THADA: variants seen among roughly 807,000 people sequenced by gnomAD.
THADA encodes THADA armadillo repeat containing, also known as tRNA (32-2'-O)-methyltransferase regulator THADA.
Under a neutral mutation model 219.8 loss-of-function variants are expected in THADA, and 213 were observed. That is an observed-to-expected ratio of 0.97 (90% CI 0.87 to 1.09). The LOEUF (loss-of-function observed/expected upper bound fraction) is 1.09. THADA is among the 50% of genes least tolerant of loss of function. THADA has a pLI of 0.00. For missense variants in THADA, 2,956 were observed against 2,311.3 expected, an observed-to-expected ratio of 1.28 and a Z score of -5.72; for synonymous variants, 1,018 against 828.9, an observed-to-expected ratio of 1.23 and a Z score of -3.92.
At chr2:43,583,909 G>C (rs1269988864) in intron 7 of THADA, among the ~76,000 whole-genome samples, 1 of 151,806 alleles carries the variant, frequency 6.6e-6, no homozygotes, top group Admixed American at 6.6e-5. Context: ...GCATAGTGGC[G>C]GACGTCTGTG....
rs368425379 is a variant in THADA, at chr2:43,370,439, C to T, written c.4228-26202G>A. Among the ~76,000 whole-genome samples, 343 of 152,266 alleles carry T rather than the reference C, an allele frequency of 2.3e-3. 8 individuals are homozygous for T. In the South Asian group the frequency reaches 0.045, roughly 20 times the overall value. On this transcript the variant is annotated intron_variant, in intron 29 of 37. Coordinates refer to ENST00000405975, the MANE Select transcript of THADA (RefSeq NM_022065.5). ...GCTTTCGGGAAAGGACATACAGCAACACCGTTCTCACAAACAAACAGAAGT... is the reference window on the plus strand; with the variant it reads ...GCTTTCGGGAAAGGACATACAGCAATACCGTTCTCACAAACAAACAGAAGT...
intron 35 of THADA, among the ~76,000 whole-genome samples, chr2:43,280,278 T>C (rs1287723351): frequency 1.3e-5 from 2 of 152,166 alleles, no homozygotes; most frequent in African/African-American, 4.8e-5. Context: ...TTGATTCAAG[T>C]GTCTGAGCCT....
chr2:43,303,078 A>T (rs1030062366), intron 31 of THADA, among the ~76,000 whole-genome samples: 3 of 152,208 alleles, frequency 2.0e-5, no homozygotes, highest in Non-Finnish European at 4.4e-5. Context: ...AGTTGATAAA[A>T]GCTTCTTGAG....
chr2:43,472,434 T>C (rs1160332508), intron 26 of THADA, among the ~76,000 whole-genome samples: 1 of 152,234 alleles, frequency 6.6e-6, no homozygotes, highest in Non-Finnish European at 1.5e-5. Flanking sequence ...ACTATAATAT[T>C]GATAACTAAT....
intron 30 of THADA, among the ~76,000 whole-genome samples, chr2:43,341,073 A>G (rs1558608115): frequency 6.6e-6 from 1 of 152,184 alleles, no homozygotes; most frequent in Non-Finnish European, 1.5e-5. Context: ...GTCTGGCAGT[A>G]TGTTTTCCTT....
intron 36 of THADA, among the ~76,000 whole-genome samples, chr2:43,248,212 G>GAC (rs1669445334): frequency 7.5e-6 from 1 of 133,352 alleles, no homozygotes; most frequent in South Asian, 2.5e-4. Context: ...GAGAGAGAGA[G>GAC]AGACAGAGAG....
At chr2:43,392,565 A>G (rs952835768) in intron 29 of THADA, among the ~76,000 whole-genome samples, 1 of 152,074 alleles carries the variant, frequency 6.6e-6, no homozygotes, top group African/African-American at 2.4e-5. Context: ...TTCTTCCCGT[A>G]AAGGTAATGC....
intron 29 of THADA, among the ~76,000 whole-genome samples, chr2:43,365,701 A>C (rs568494096): frequency 6.6e-6 from 1 of 152,098 alleles, no homozygotes; most frequent in Non-Finnish European, 1.5e-5. Flanking sequence ...AAGGGTACAG[A>C]AGTAGATGAT....
chr2:43,502,086 T>A (rs1168371853), intron 24 of THADA, among the ~76,000 whole-genome samples: 6 of 152,218 alleles, frequency 3.9e-5, no homozygotes, highest in Admixed American at 2.6e-4. Context: ...ATAACAGAAA[T>A]GTCTCTGTAT....
chr2:43,500,697 C>T lies in THADA; in HGVS notation c.3622-1742G>A, dbSNP rs114099461. 3.3e-3 allele frequency among the ~76,000 whole-genome samples: 503 copies of T among 152,226 alleles called. 4 individuals carry two copies. Among genetic ancestry groups the T allele is most frequent in the South Asian group, 7.3e-3 (35 of 4,820 alleles). Reference sequence around the variant, plus strand: ...GATGCCTGCTATCTCTCTTTCTATACCAAACTTTACTACAGGTTCCAGCAG... The same window carrying T: ...GATGCCTGCTATCTCTCTTTCTATATCAAACTTTACTACAGGTTCCAGCAG... On this transcript the variant is annotated intron_variant, in intron 24 of 37. Transcript: ENST00000405975.
At chr2:43,587,691 C>T (rs1030713010) in intron 4 of THADA, among the ~76,000 whole-genome samples, 2 of 152,116 alleles carry the variant, frequency 1.3e-5, no homozygotes, top group Non-Finnish European at 2.9e-5. Flanking sequence ...CCTTCCTTCC[C>T]GCTTTTAGAT....
rs1672990020 is a variant in THADA at position 43,278,573 on chromosome 2, A to G, written c.5296+1192T>C. Among the ~76,000 whole-genome samples, 4 of 152,330 alleles carry G rather than the reference A, an allele frequency of 2.6e-5. No individual in the cohort carries two copies. The South Asian group carries it at 6.2e-4, about 24-fold the overall frequency. ...GGGGCTGAGGGGAGCCTGCTTGCATATCACTTGCAGCTCTGTTCCAAATGC... is the reference window on the plus strand; with the variant it reads ...GGGGCTGAGGGGAGCCTGCTTGCATGTCACTTGCAGCTCTGTTCCAAATGC... On this transcript the variant is annotated intron_variant, in intron 36 of 37. Transcript: ENST00000405975.
chr2:43,478,020 AT>A (rs1235747673), intron 26 of THADA, among the ~76,000 whole-genome samples: 1 of 152,036 alleles, frequency 6.6e-6, no homozygotes, highest in Non-Finnish European at 1.5e-5. Context: ...CTGACCTCTT[AT>A]CCCCTGACAG....
chr2:43,248,029 C>A (rs1669339903), intron 36 of THADA, among the ~76,000 whole-genome samples: 1 of 148,868 alleles, frequency 6.7e-6, no homozygotes, highest in Non-Finnish European at 1.5e-5. Context: ...GGCGTCAGAG[C>A]AAAACCCTAT....
At chr2:43,390,968 A>G (rs771583814) in intron 29 of THADA, among the ~76,000 whole-genome samples, 8 of 152,220 alleles carry the variant, frequency 5.3e-5, no homozygotes, top group Non-Finnish European at 7.3e-5. Context: ...CTAACTGCAC[A>G]AGCTCAAAAG....
intron 22 of THADA, among the ~76,000 whole-genome samples, chr2:43,513,368 T>C (rs2105113865): frequency 6.6e-6 from 1 of 152,240 alleles, no homozygotes; most frequent in Admixed American, 6.5e-5. Flanking sequence ...AAGATAATCA[T>C]CTGGGTAAAA....
chr2:43,549,432 G>T, intron 19 of THADA, 64 bp from the exon 20 acceptor site: 1 of 1,479,782 alleles, frequency 6.8e-7, no homozygotes. Flanking sequence ...TTTCCCTTGG[G>T]GATGCTTACT....
chr2:43,318,443 A>G (rs1383905569), intron 31 of THADA, among the ~76,000 whole-genome samples: 1 of 152,226 alleles, frequency 6.6e-6, no homozygotes, highest in Non-Finnish European at 1.5e-5. Flanking sequence ...CAACACATAC[A>G]TAATTAATAC....
At chr2:43,324,911 T>C (rs908785750) in intron 30 of THADA, among the ~76,000 whole-genome samples, 1 of 152,160 alleles carries the variant, frequency 6.6e-6, no homozygotes, top group Non-Finnish European at 1.5e-5. Flanking sequence ...GATCAGCATG[T>C]AGCAGATGCA....
Sources: gnomAD v4.1 joint callset for allele counts (sites outside exome capture counted in the v4.1 genomes callset) on GRCh38, gnomAD v4.1.1 for gene constraint, MANE v1.5 for transcripts, NCBI Gene and HGNC (gene_info 2026-07-23, HGNC 2026-07-21) for gene names.